Variants in EYS observed in about 807,000 individuals in gnomAD.
EYS encodes the protein protein eyes shut homolog.
EYS carries 250 observed loss-of-function variants against 282.1 expected under a neutral mutation model. That is an observed-to-expected ratio of 0.89 (90% confidence interval 0.80 to 0.98). EYS has a LOEUF of 0.98. Among genes scored for constraint, EYS ranks in the 50% least tolerant of loss-of-function variants. The pLI, the probability that EYS is intolerant of heterozygous loss-of-function variation, is 0.00. For missense variants in EYS, 4,016 were observed against 3,709.0 expected (o/e 1.08, Z -2.15); for synonymous variants, 1,355 against 1,282.9 (o/e 1.06, Z -1.20).
At chr6:65,190,390 G>A (rs1212028521) in intron 12 of EYS, among the ~76,000 whole-genome samples, 1 of 149,126 alleles carries the variant, frequency 6.7e-6, no homozygotes, top group East Asian at 2.0e-4. Context: ...TACATTCATC[G>A]TTATTCATTG....
At chr6:64,220,343 T>C (rs1190557182) in intron 31 of EYS, among the ~76,000 whole-genome samples, 2 of 152,168 alleles carry the variant, frequency 1.3e-5, no homozygotes, top group Non-Finnish European at 2.9e-5. Flanking sequence ...AGAATGGGAA[T>C]ATGAATAGTT....
intron 22 of EYS, among the ~76,000 whole-genome samples, chr6:64,753,060 C>A (rs1002440887): frequency 6.6e-6 from 1 of 152,072 alleles, no homozygotes. Context: ...TAAGGAAATT[C>A]ATCACTATTA....
chr6:64,321,745 G>C (rs576152006), intron 29 of EYS, among the ~76,000 whole-genome samples: 30 of 151,956 alleles, frequency 2.0e-4, no homozygotes, highest in African/African-American at 7.0e-4. Context: ...TAGTGTTTCT[G>C]ATGTTTAGTT....
rs78891357 is a variant in EYS, at chr6:64,507,973, G to C, written c.5645-68621C>G. ...TGACACTTGAGACGGTTCCTGAGTG[G>C]AACGACAAGGTGTTCTGTAATTTTA... On this transcript the variant is annotated intron_variant, in intron 26 of 42. Coordinates refer to ENST00000503581, the MANE Select transcript of EYS (RefSeq NM_001142800.2). Among the ~76,000 whole-genome samples, 103 of 152,290 alleles carry C rather than the reference G, an allele frequency of 6.8e-4. 1 individual carries two copies. The East Asian group carries it at 0.016, about 23-fold the overall frequency.
intron 33 of EYS, among the ~76,000 whole-genome samples, chr6:64,040,808 G>A (rs1193381896): frequency 6.6e-6 from 1 of 152,146 alleles, no homozygotes; most frequent in African/African-American, 2.4e-5. Context: ...TGGCTCTTTA[G>A]TTTGTCAGCT....
chr6:63,972,574 A>G (rs1027206671), intron 35 of EYS, among the ~76,000 whole-genome samples: 1 of 151,994 alleles, frequency 6.6e-6, no homozygotes, highest in African/African-American at 2.4e-5. Flanking sequence ...AAGTTCCTGG[A>G]TACATGTGCA....
chr6:63,881,987 G>A (rs897642743), intron 35 of EYS, among the ~76,000 whole-genome samples: 4 of 152,186 alleles, frequency 2.6e-5, no homozygotes, highest in African/African-American at 9.7e-5. Flanking sequence ...TCTTAATACT[G>A]TGTCAGCATT....
In EYS at chr6:63,951,405, C is replaced by T. The variant is rs148616374; in HGVS notation, c.7055+32978G>A. Reference sequence around the variant, plus strand: ...GATGTCCAGGCATTCTTTTACACATCGAACCCTCCCTAGTCTCTGTTCCCA... The same window carrying T: ...GATGTCCAGGCATTCTTTTACACATTGAACCCTCCCTAGTCTCTGTTCCCA... On this transcript the variant is annotated intron_variant, in intron 35 of 42. Coordinates refer to ENST00000503581, the MANE Select transcript of EYS (RefSeq NM_001142800.2). Among the ~76,000 whole-genome samples the T allele has an allele frequency of 5.1e-3, 780 of 152,208 alleles. 2 individuals are homozygous for T. Among genetic ancestry groups the T allele is most frequent in the Middle Eastern group, 0.017 (5 of 294 alleles).
At chr6:64,266,215 C>A (rs754575312) in intron 30 of EYS, among the ~76,000 whole-genome samples, 7 of 152,012 alleles carry the variant, frequency 4.6e-5, no homozygotes, top group Non-Finnish European at 1.0e-4. Context: ...CACCCAGACA[C>A]TAAATACTCA....
intron 33 of EYS, among the ~76,000 whole-genome samples, chr6:64,034,150 T>G (rs1770000148): frequency 6.6e-6 from 1 of 152,166 alleles, no homozygotes; most frequent in Non-Finnish European, 1.5e-5. Flanking sequence ...GTCCAGTAAG[T>G]GTTAGATTAA....
At position 65,037,400 on chromosome 6, in the gene EYS, C is replaced by T. The variant is rs145166260; in HGVS notation, c.2137+20214G>A. Among the ~76,000 whole-genome samples, 25 of 151,818 alleles carry T rather than the reference C, an allele frequency of 1.6e-4. No individual in the cohort carries two copies. The East Asian group carries it at 4.7e-3, about 28-fold the overall frequency. On this transcript the variant is annotated intron_variant, in intron 13 of 42. Coordinates refer to ENST00000503581, the MANE Select transcript of EYS (RefSeq NM_001142800.2). Reference sequence around the variant, plus strand: ...AGTGATGAAATAATCTATCTGTACACCAAACCTCCATGACACACAATTTTC... The same window carrying T: ...AGTGATGAAATAATCTATCTGTACATCAAACCTCCATGACACACAATTTTC...
At chr6:64,865,066 T>G (rs1359137175) in intron 19 of EYS, among the ~76,000 whole-genome samples, 1 of 152,050 alleles carries the variant, frequency 6.6e-6, no homozygotes, top group African/African-American at 2.4e-5. Context: ...TTTGCAGATA[T>G]CAAGATTCTC....
chr6:64,719,009 G>A (rs1321943840), intron 22 of EYS, among the ~76,000 whole-genome samples: 1 of 152,196 alleles, frequency 6.6e-6, no homozygotes, highest in Non-Finnish European at 1.5e-5. Flanking sequence ...AAAGGCAGAC[G>A]ATTTTCTTAG....
chr6:65,136,346 T>G (rs1382357242), intron 12 of EYS, among the ~76,000 whole-genome samples: 2 of 152,054 alleles, frequency 1.3e-5, no homozygotes, highest in East Asian at 3.9e-4. Flanking sequence ...CAGGAATAAG[T>G]AAGTTATATT....
chr6:64,628,539 G>A (rs1767682016), intron 22 of EYS, among the ~76,000 whole-genome samples: 1 of 151,960 alleles, frequency 6.6e-6, no homozygotes, highest in Non-Finnish European at 1.5e-5. Flanking sequence ...CTCCCACATA[G>A]GACTACAGGT....
At chr6:65,274,669 A>G (rs190613099) in intron 12 of EYS, among the ~76,000 whole-genome samples, 77 of 152,292 alleles carry the variant, frequency 5.1e-4, no homozygotes, top group African/African-American at 1.8e-3. Flanking sequence ...TTTCTATAAG[A>G]TATCATGCTG....
chr6:64,043,553 T>C (rs1770487124), intron 33 of EYS, among the ~76,000 whole-genome samples: 2 of 152,238 alleles, frequency 1.3e-5, no homozygotes. Context: ...CTCGAACACC[T>C]AGAGGTTCTG....
At chr6:64,345,270 C>T (rs1771336711) in intron 29 of EYS, among the ~76,000 whole-genome samples, 1 of 151,822 alleles carries the variant, frequency 6.6e-6, no homozygotes, top group South Asian at 2.1e-4. Context: ...AGAACAAAGC[C>T]AGAGGCATCA....
Position 63,799,621 on chromosome 6 carries a change from G to T in EYS, c.7411+6569C>A, listed in dbSNP as rs768755205. On this transcript the variant is annotated intron_variant, in intron 37 of 42. Transcript: ENST00000503581. ...GCTGGGAATCCAAAAGAAATGGAAA[G>T]AATTTATGATTAATCTTGTTGAGGG... Among the ~76,000 whole-genome samples the T allele has an allele frequency of 2.0e-5, 3 of 152,174 alleles. No homozygotes were observed. The South Asian group carries it at 6.2e-4, about 31-fold the overall frequency.
Sources: gnomAD v4.1 joint callset for allele counts (sites outside exome capture counted in the v4.1 genomes callset) on GRCh38, gnomAD v4.1.1 for gene constraint, MANE v1.5 for transcripts, NCBI Gene and HGNC (gene_info 2026-07-23, HGNC 2026-07-21) for gene names.